The following IGSF11 variants were observed in gnomAD, a reference collection of about 807,000 sequenced individuals.
IGSF11 encodes CXADR like 1.
IGSF11 carries 22 observed loss-of-function variants against 41.0 expected under a neutral mutation model. The observed-to-expected ratio is 0.54, with a 90% CI of 0.38 to 0.77. The LOEUF is 0.77. IGSF11 is among the 30% of genes least tolerant of loss of function. IGSF11 has a pLI of 0.00. For synonymous variants in IGSF11, 219 were observed against 201.3 expected (o/e 1.09, Z -0.74); for missense variants, 444 against 530.8 (o/e 0.84, Z 1.61).
At chr3:118,940,855 AAGT>A (rs1943629822) in intron 1 of IGSF11, among the ~76,000 whole-genome samples, 1 of 151,646 alleles carries the variant, frequency 6.6e-6, no homozygotes, top group African/African-American at 2.4e-5. Flanking sequence ...TCAGGGGGAA[AAGT>A]TTACTCTTTT....
intron 1 of IGSF11, among the ~76,000 whole-genome samples, chr3:119,113,257 C>A (rs958198352): frequency 6.6e-6 from 1 of 152,110 alleles, no homozygotes; most frequent in East Asian, 1.9e-4. Context: ...TCCCAATAGT[C>A]CCCCAAAGTC....
At chr3:119,117,969 G>A (rs769393315) in intron 1 of IGSF11, among the ~76,000 whole-genome samples, 1 of 152,212 alleles carries the variant, frequency 6.6e-6, no homozygotes. Context: ...TGATGCAAAA[G>A]GTGGGTTCCC....
intron 1 of IGSF11, among the ~76,000 whole-genome samples, chr3:119,024,259 T>C (rs1345010795): frequency 6.6e-6 from 1 of 152,160 alleles, no homozygotes; most frequent in African/African-American, 2.4e-5. Context: ...TTAGAAAGCA[T>C]CAAAAGTCAC....
intron 1 of IGSF11, among the ~76,000 whole-genome samples, chr3:119,029,272 A>ACC (rs1553716832): frequency 0.015 from 2,120 of 145,296 alleles, 49 homozygotes; most frequent in Non-Finnish European, 0.024. Context: ...ACACACACAC[A>ACC]CACCCGAGAG....
chr3:119,045,382 C>T lies in IGSF11; in HGVS notation c.49+59762G>A, dbSNP rs376211766. 1.3e-3 allele frequency among the ~76,000 whole-genome samples: 196 copies of T among 152,328 alleles called. 3 individuals are homozygous for T. The highest frequency in any genetic ancestry group is 4.2e-3 in the African/African-American group (175 of 41,582). On this transcript the variant is annotated intron_variant, in intron 1 of 6. Coordinates refer to the IGSF11 transcript ENST00000354673. ...CTTTCCGAGTCAAAGAAAGGGGTGA[C>T]GAACGGCACCTGGAAAATCGGGTCA...
At chr3:119,134,735 A>C (rs957810069) in intron 1 of IGSF11, among the ~76,000 whole-genome samples, 1 of 152,198 alleles carries the variant, frequency 6.6e-6, no homozygotes, top group African/African-American at 2.4e-5. Flanking sequence ...ACCAAAAAAG[A>C]GTCCACATAG....
intron 6 of IGSF11, 137 bp from the exon 7 acceptor site, chr3:118,903,098 G>C (rs1939118902): frequency 6.5e-6 from 5 of 767,878 alleles, no homozygotes; most frequent in Non-Finnish European, 1.0e-5. Flanking sequence ...TATCGTGAAA[G>C]CAGGCATGGC....
chr3:118,988,570 A>G (rs1221875611), intron 1 of IGSF11, among the ~76,000 whole-genome samples: 1 of 152,134 alleles, frequency 6.6e-6, no homozygotes, highest in Non-Finnish European at 1.5e-5. Flanking sequence ...TTGATTAACG[A>G]TCTTTGATTA....
Position 118,977,578 on chromosome 3 carries a change from A to G in IGSF11, c.53-47303T>C, listed in dbSNP as rs79401667. ...GAAATTCAGCAAAGTGACAGGAAAC[A>G]TCTAAAGCAAGAAAGTAGAGGGAAA... On this transcript the variant is annotated intron_variant, in intron 1 of 6. Coordinates refer to ENST00000393775, the MANE Select transcript of IGSF11 (RefSeq NM_001015887.3). Among the ~76,000 whole-genome samples, 927 of 152,336 alleles carry G rather than the reference A, an allele frequency of 6.1e-3. 6 individuals carry two copies. The highest frequency in any genetic ancestry group is 0.011 in the Admixed American group (162 of 15,306).
At chr3:118,929,712 T>C (rs556826776) in intron 2 of IGSF11, among the ~76,000 whole-genome samples, 54 of 152,310 alleles carry the variant, frequency 3.5e-4, no homozygotes, top group African/African-American at 1.1e-3. Context: ...TGTTTTACTT[T>C]AAAATACTAG....
chr3:118,954,399 G>A (rs540053266), intron 1 of IGSF11, among the ~76,000 whole-genome samples: 1 of 152,002 alleles, frequency 6.6e-6, no homozygotes, highest in African/African-American at 2.4e-5. Context: ...TTTTTTGGGG[G>A]GTTCCATATA....
intron 1 of IGSF11, 33 bp from the exon 2 acceptor site, chr3:118,930,308 C>T (rs779215913): frequency 3.2e-6 from 5 of 1,583,382 alleles, no homozygotes; most frequent in African/African-American, 1.4e-5. Context: ...GTTATATGCT[C>T]GCCCTTTCCC....
intron 1 of IGSF11, among the ~76,000 whole-genome samples, chr3:118,938,043 G>A (rs201633376): frequency 5.7e-5 from 7 of 122,142 alleles, no homozygotes; most frequent in Non-Finnish European, 9.6e-5. Context: ...TATATAAAAT[G>A]TGTGTGTGTG....
intron 1 of IGSF11, among the ~76,000 whole-genome samples, chr3:118,958,022 A>G (rs1945082889): frequency 1.3e-5 from 2 of 152,244 alleles, no homozygotes; most frequent in African/African-American, 2.4e-5. Context: ...TCATAAAATC[A>G]AAGGTGCTAA....
chr3:119,013,430 T>C (rs1938356447), intron 1 of IGSF11, among the ~76,000 whole-genome samples: 1 of 152,252 alleles, frequency 6.6e-6, no homozygotes, highest in African/African-American at 2.4e-5. Context: ...CTTTTTTATG[T>C]CCCTGGATCC....
At position 119,059,655 on chromosome 3, in the gene IGSF11, A is replaced by AT. The variant is rs529073221; in HGVS notation, c.49+45488dup. Among the ~76,000 whole-genome samples the AT allele has an allele frequency of 4.0e-3, 599 of 148,442 alleles. 4 individuals carry two copies. Among genetic ancestry groups the AT allele is most frequent in the East Asian group, 0.011 (56 of 5,074 alleles). On this transcript the variant is annotated intron_variant, in intron 1 of 6. Coordinates refer to the IGSF11 transcript ENST00000354673. ...GCATCCAAAACTGCAGACACTGGTG[A>AT]TTTTTTTTTTTAACTGCCAAGCTTT...
Position 118,933,255 on chromosome 3 carries a change from GCATGTCCCCAAA to G in IGSF11, c.53-2992_53-2981del, listed in dbSNP as rs377367062. 3.4e-3 allele frequency among the ~76,000 whole-genome samples: 518 copies of G among 152,214 alleles called. 3 individuals are homozygous for G. Among genetic ancestry groups the G allele is most frequent in the African/African-American group, 0.011 (464 of 41,528 alleles). Reference sequence around the variant, plus strand: ...ATGTGGTACTTTCATCTATTTAGCTGCATGTCCCCAAACAAGTAACTTAATCTCTGAGTCTGT... The same window carrying G: ...ATGTGGTACTTTCATCTATTTAGCTGCAAGTAACTTAATCTCTGAGTCTGT... On this transcript the variant is annotated intron_variant, in intron 1 of 6. Transcript: ENST00000393775.
At chr3:118,905,745 G>A in intron 4 of IGSF11, 27 bp from the exon 5 acceptor site, 1 of 1,612,428 alleles carries the variant, frequency 6.2e-7, no homozygotes, top group Non-Finnish European at 8.5e-7. Context: ...AACCGAGTGA[G>A]GATTTGGCGG....
chr3:119,077,315 G>GC (rs1251458084), intron 1 of IGSF11, among the ~76,000 whole-genome samples: 19 of 152,154 alleles, frequency 1.2e-4, no homozygotes, highest in Middle Eastern at 3.4e-3. Flanking sequence ...TATACCTAAT[G>GC]TAAATGACGA....
Sources: gnomAD v4.1 joint callset for allele counts (sites outside exome capture counted in the v4.1 genomes callset) on GRCh38, gnomAD v4.1.1 for gene constraint, MANE v1.5 for transcripts, NCBI Gene and HGNC (gene_info 2026-07-23, HGNC 2026-07-21) for gene names.